PI4KA: variants seen among roughly 807,000 people sequenced by gnomAD.
PI4KA encodes the protein PI4-kinase alpha.
PI4KA carries 122 observed loss-of-function variants against 271.4 expected under a neutral mutation model. That is an observed-to-expected ratio of 0.45 (90% CI 0.39 to 0.52). The LOEUF is 0.52. Ranked by LOEUF, PI4KA falls within the 20% of genes least tolerant of loss-of-function variation. PI4KA has a pLI of 0.00. For synonymous variants in PI4KA, 1,041 were observed against 1,078.8 expected, an observed-to-expected ratio of 0.96 and a Z score of 0.69; for missense variants, 1,969 against 2,769.1, an observed-to-expected ratio of 0.71 and a Z score of 6.48.
intron 19 of PI4KA, among the ~76,000 whole-genome samples, chr22:20,772,613 G>A (rs191539042): frequency 6.6e-6 from 1 of 152,108 alleles, no homozygotes; most frequent in East Asian, 1.9e-4. Flanking sequence ...ACACCCCCAT[G>A]GGCCCCTTGC....
intron 32 of PI4KA, among the ~76,000 whole-genome samples, chr22:20,735,920 C>T (rs1928662016): frequency 6.6e-6 from 1 of 152,246 alleles, no homozygotes; most frequent in South Asian, 2.1e-4. Flanking sequence ...AAGAGACACA[C>T]TCCCACCTAT....
intron 17 of PI4KA, among the ~76,000 whole-genome samples, chr22:20,796,619 G>A (rs1935002289): frequency 6.6e-6 from 1 of 152,234 alleles, no homozygotes; most frequent in African/African-American, 2.4e-5. Flanking sequence ...GAGGGTCTCA[G>A]GACACTTCCC....
At position 20,801,998 on chromosome 22, in the gene PI4KA, C is replaced by G. The variant is rs775042053; in HGVS notation, c.1699G>C (p.Asp567His). The change falls in exon 14 of 55, where the codon GAC becomes CAC. Residue 567 changes from aspartate to histidine, a missense_variant. Asp to His is a moderately conservative substitution (Grantham distance 81, BLOSUM62 -1). Coordinates refer to ENST00000255882, the MANE Select transcript of PI4KA (RefSeq NM_058004.4). ...CTGCAGATGTTGTCAATAGCGATGT[C>G]TCGGAGCTGCTCGTACATGGAGGGC... is the stretch of plus-strand genomic sequence containing the variant. ...SQPSMYEQLRDIAIDNICRCL... is the reference protein window; with the variant it reads ...SQPSMYEQLRHIAIDNICRCL... The G allele has an allele frequency of 1.2e-5, 19 of 1,614,192 alleles. No individual in the cohort carries two copies. The highest frequency in any genetic ancestry group is 1.5e-5 in the Non-Finnish European group (18 of 1,180,022).
chr22:20,821,495 T>C (rs779369682), intron 4 of PI4KA, among the ~76,000 whole-genome samples: 12 of 152,124 alleles, frequency 7.9e-5, no homozygotes, highest in Non-Finnish European at 1.5e-4. Context: ...GCTGAGATTA[T>C]AGGCGTGAGC....
At chr22:20,734,747 T>C in intron 32 of PI4KA, 194 bp from the exon 33 acceptor site, 1 of 796,972 alleles carries the variant, frequency 1.3e-6, no homozygotes, top group Admixed American at 2.9e-5. Context: ...TGGTGTATTT[T>C]CTCCAGCCTC....
intron 39 of PI4KA, among the ~76,000 whole-genome samples, chr22:20,728,108 T>C (rs1927585079): frequency 6.6e-6 from 1 of 152,222 alleles, no homozygotes; most frequent in South Asian, 2.1e-4. Context: ...AGAGTGTAAC[T>C]GGATTGTTTG....
Position 20,858,740 on chromosome 22 carries a change from C to T in PI4KA, c.-15G>A, listed in dbSNP as rs1003442740. On this transcript the variant is annotated 5_prime_UTR_variant, in exon 1 of 55. Coordinates refer to ENST00000255882, the MANE Select transcript of PI4KA (RefSeq NM_058004.4). ...GCCGCCGCCATCACCTCACGAGCCG[C>T]GGCGCTGCCCGCCGGCTCCCCGCTC... The T allele has an allele frequency of 3.8e-5, 52 of 1,373,254 alleles. No individual in the cohort carries two copies. In the African/African-American group the frequency reaches 7.1e-4, roughly 19 times the overall value. 85.1% of individuals were successfully genotyped at this position (1,373,254 alleles called of 1,614,324 possible).
At chr22:20,759,505 G>A (rs5760417) in intron 23 of PI4KA, among the ~76,000 whole-genome samples, 10,208 of 144,342 alleles carry the variant, frequency 0.071, 338 homozygotes, top group East Asian at 0.088. Flanking sequence ...CCAGGTTCAA[G>A]CAATTCTCCT....
intron 22 of PI4KA, among the ~76,000 whole-genome samples, chr22:20,762,024 C>G (rs568380810): frequency 6.6e-6 from 1 of 152,174 alleles, no homozygotes; most frequent in Non-Finnish European, 1.5e-5. Flanking sequence ...ATCTTCTGTA[C>G]TATTCCAGTG....
At chr22:20,760,838 G>C (rs1383299867) in intron 23 of PI4KA, among the ~76,000 whole-genome samples, 2 of 152,214 alleles carry the variant, frequency 1.3e-5, no homozygotes, top group Non-Finnish European at 2.9e-5. Flanking sequence ...CTGACGACAA[G>C]TTGCATCTGG....
Position 20,753,718 on chromosome 22 carries a change from G to A in PI4KA, c.2792-538C>T, listed in dbSNP as rs370965365. On this transcript the variant is annotated intron_variant, in intron 23 of 54. Coordinates refer to ENST00000255882, the MANE Select transcript of PI4KA (RefSeq NM_058004.4). ...TCTCTTTTTTTTGAGATTGAATCTC[G>A]TTCTGTTGCCCAGGCTGGAGTGTGG... Among the ~76,000 whole-genome samples, 14 of 152,138 alleles carry A rather than the reference G, an allele frequency of 9.2e-5. No individual in the cohort carries two copies. In the South Asian group the frequency reaches 2.7e-3, roughly 29 times the overall value.
intron 19 of PI4KA, among the ~76,000 whole-genome samples, chr22:20,788,671 G>A (rs1021363860): frequency 1.3e-5 from 2 of 152,144 alleles, no homozygotes; most frequent in African/African-American, 4.8e-5. Flanking sequence ...CCATCCTCTC[G>A]GCTTCCTGGT....
At chr22:20,839,788 C>T (rs1272663264) in intron 1 of PI4KA, among the ~76,000 whole-genome samples, 1 of 151,950 alleles carries the variant, frequency 6.6e-6, no homozygotes, top group African/African-American at 2.4e-5. Context: ...CGAGATGGCA[C>T]CACTGCACTC....
chr22:20,794,191 C>T lies in PI4KA; in HGVS notation c.2278-948G>A, dbSNP rs537942619. Among the ~76,000 whole-genome samples the T allele has an allele frequency of 3.9e-5, 6 of 152,280 alleles. No homozygotes were observed. The South Asian group carries it at 8.3e-4, about 21-fold the overall frequency. On this transcript the variant is annotated intron_variant, in intron 18 of 54. Coordinates refer to ENST00000255882, the MANE Select transcript of PI4KA (RefSeq NM_058004.4). ...CCCTGCCTGGTCCCCTCTGGGAAACCGATAGCCTAAGGGATGCGTGATGAT... is the reference window on the plus strand; with the variant it reads ...CCCTGCCTGGTCCCCTCTGGGAAACTGATAGCCTAAGGGATGCGTGATGAT...
intron 23 of PI4KA, among the ~76,000 whole-genome samples, chr22:20,757,534 C>G (rs1931441703): frequency 6.6e-6 from 1 of 151,908 alleles, no homozygotes. Context: ...CTGGCAAAAT[C>G]TGCTAGGTTC....
At chr22:20,807,083 T>C (rs1410965466) in intron 10 of PI4KA, among the ~76,000 whole-genome samples, 3 of 152,236 alleles carry the variant, frequency 2.0e-5, no homozygotes, top group Non-Finnish European at 1.5e-5. Flanking sequence ...AAACTGTATC[T>C]GTCCTTAGGA....
intron 45 of PI4KA, among the ~76,000 whole-genome samples, chr22:20,715,713 G>GC (rs1925906529): frequency 6.6e-6 from 1 of 151,974 alleles, no homozygotes; most frequent in Non-Finnish European, 1.5e-5. Flanking sequence ...TACCTGAGGT[G>GC]ATCCACCCGC....
At chr22:20,724,324 G>A (rs933711330) in intron 42 of PI4KA, among the ~76,000 whole-genome samples, 1 of 147,794 alleles carries the variant, frequency 6.8e-6, no homozygotes, top group South Asian at 2.2e-4. Flanking sequence ...AAAAAATTCT[G>A]GCTGAGCGCA....
At chr22:20,764,603 G>C (rs1242612400) in intron 22 of PI4KA, 3 of 516,292 alleles carry the variant, frequency 5.8e-6, no homozygotes, top group African/African-American at 1.9e-5. Flanking sequence ...AGATGATGCG[G>C]AGCTTAGATA....
Sources: gnomAD v4.1 joint callset for allele counts (sites outside exome capture counted in the v4.1 genomes callset) on GRCh38, gnomAD v4.1.1 for gene constraint, MANE v1.5 for transcripts, NCBI Gene and HGNC (gene_info 2026-07-23, HGNC 2026-07-21) for gene names.